RSF1: variants seen among roughly 807,000 people sequenced by gnomAD.
RSF1 encodes HBV pX-associated protein 8.
In RSF1, 13 loss-of-function variants were observed where a neutral mutation model predicts 145.2. That is an observed-to-expected ratio of 0.09 (90% confidence interval 0.06 to 0.14). The LOEUF (loss-of-function observed/expected upper bound fraction) is 0.14. Among genes scored for constraint, RSF1 ranks in the 10% least tolerant of loss-of-function variants. RSF1 has a pLI of 1.00. For synonymous variants in RSF1, 577 were observed against 592.6 expected (o/e 0.97, Z 0.38); for missense variants, 1,517 against 1,718.2 (o/e 0.88, Z 2.07).
intron 1 of RSF1, among the ~76,000 whole-genome samples, chr11:77,784,938 A>AT (rs1948439904): frequency 6.6e-6 from 1 of 152,192 alleles, no homozygotes; most frequent in South Asian, 2.1e-4. Context: ...GATTTCTGAA[A>AT]TTCTGTCTTC....
At chr11:77,863,275 G>T in the RSF1 span, among the ~76,000 whole-genome samples, 2 of 152,110 alleles carry the variant, frequency 1.3e-5, no homozygotes, top group African/African-American at 4.8e-5. Context: ...GGCAATGGGC[G>T]CTCAGGAGCA....
chr11:77,813,424 T>C, intron 1 of RSF1: 3 of 1,215,112 alleles, frequency 2.5e-6, no homozygotes, highest in South Asian at 1.2e-5. Context: ...GAGTCGCTTG[T>C]GGATTCTCAT....
intron 1 of RSF1, among the ~76,000 whole-genome samples, chr11:77,777,778 A>T (rs1441483485): frequency 6.6e-6 from 1 of 151,968 alleles, no homozygotes; most frequent in Non-Finnish European, 1.5e-5. Context: ...TCAACCCAGG[A>T]GTTCAAGACC....
At chr11:77,710,333 T>C (rs1960649497) in intron 5 of RSF1, among the ~76,000 whole-genome samples, 1 of 152,230 alleles carries the variant, frequency 6.6e-6, no homozygotes, top group Non-Finnish European at 1.5e-5. Context: ...ATTTTAGGCA[T>C]ACGGTGTTAT....
chr11:77,758,255 G>T (rs766579947), intron 2 of RSF1, among the ~76,000 whole-genome samples: 6 of 151,990 alleles, frequency 3.9e-5, no homozygotes, highest in Non-Finnish European at 5.9e-5. Context: ...CCATTTTTAA[G>T]CGGATATCCA....
intron 15 of RSF1, among the ~76,000 whole-genome samples, chr11:77,669,742 C>G (rs576288490): frequency 1.4e-4 from 21 of 152,260 alleles, no homozygotes; most frequent in Non-Finnish European, 2.6e-4. Flanking sequence ...AAGAGGCAGG[C>G]CCTATAGTCT....
chr11:77,695,159 A>G (rs191567359), intron 7 of RSF1, among the ~76,000 whole-genome samples: 23 of 152,330 alleles, frequency 1.5e-4, no homozygotes, highest in African/African-American at 4.8e-4. Flanking sequence ...TAGAAGTATG[A>G]GTATCAAATA....
intron 5 of RSF1, chr11:77,703,206 G>A (rs944409523): frequency 4.6e-5 from 7 of 152,124 alleles, no homozygotes; most frequent in Admixed American, 4.6e-4. Flanking sequence ...GAACATTTCA[G>A]AAGTTAGTAC....
At chr11:77,756,310 A>G (rs1407986817) in intron 2 of RSF1, among the ~76,000 whole-genome samples, 1 of 150,942 alleles carries the variant, frequency 6.6e-6, no homozygotes, top group Non-Finnish European at 1.5e-5. Context: ...GTGAGCTGAG[A>G]TCATGCCATT....
intron 11 of RSF1, among the ~76,000 whole-genome samples, chr11:77,679,076 T>C (rs1279386541): frequency 6.6e-6 from 1 of 152,212 alleles, no homozygotes; most frequent in Non-Finnish European, 1.5e-5. Flanking sequence ...TACTCAACTC[T>C]GCTATTGTAG....
intron 9 of RSF1, among the ~76,000 whole-genome samples, chr11:77,686,429 G>C (rs967699673): frequency 9.1e-4 from 34 of 37,386 alleles, no homozygotes; most frequent in African/African-American, 4.4e-3. Context: ...AAAAAAAAAA[G>C]CAGGTGTTTT....
Position 77,698,650 on chromosome 11 carries a change from C to T in RSF1, c.2552G>A (p.Arg851His), listed in dbSNP as rs1385418875. Residue 851 changes from arginine to histidine, a missense_variant, in exon 7 of 16, where the codon CGT becomes CAT. Arg to His is a conservative substitution (Grantham distance 29). Transcript: ENST00000308488. The stretch of plus-strand genomic sequence containing the variant: ...ATTGCTGGAATATTTCCATCTGCCA[C>T]GTGTCCGAGAACCAGTCCATCGAAC... ...GKVRWTGSRT[R>H]GRWKYSSNDE... The T allele has an allele frequency of 6.2e-6, 10 of 1,613,994 alleles. No homozygotes were observed. The East Asian group carries it at 6.7e-5, about 11-fold the overall frequency.
At position 77,701,014 on chromosome 11, in the gene RSF1, T is replaced by C. The variant is rs61743774; in HGVS notation, c.2215A>G (p.Ile739Val). ...TCGGGCTTCTTTTTCCGACTTGATA[T>C]CCTGATTGTTAATTTGATGCCCTCT... The part of the protein sequence containing the change: ...QKEGIKLTIR[I>V]SSRKKKPDSP... The change falls in exon 6 of 16, where the codon ATA (isoleucine) becomes GTA (valine). Residue 739 changes from isoleucine (I) to valine (V), a missense_variant. By Grantham distance (29) the Ile-to-Val change is conservative. Around this residue, in one of 12 missense-constraint regions of RSF1, gnomAD observed 579 missense variants for 553.5 expected, o/e 1.05. Coordinates refer to ENST00000308488, the MANE Select transcript of RSF1 (RefSeq NM_016578.4). The C allele has an allele frequency of 2.5e-5, 41 of 1,613,664 alleles. No homozygotes were observed. Among genetic ancestry groups the C allele is most frequent in the Admixed American group, 5.0e-5 (3 of 60,000 alleles).
At chr11:77,799,353 C>T (rs1384313865) in intron 1 of RSF1, among the ~76,000 whole-genome samples, 3 of 151,666 alleles carry the variant, frequency 2.0e-5, no homozygotes, top group African/African-American at 4.8e-5. Context: ...ATAAAAAATA[C>T]AAAAATTAGC....
the RSF1 span, among the ~76,000 whole-genome samples, chr11:77,871,831 G>T: frequency 6.6e-6 from 1 of 152,268 alleles, no homozygotes; most frequent in South Asian, 2.1e-4. Flanking sequence ...AGGTGTTAAT[G>T]TCCCTAATTT....
chr11:77,774,497 A>G (rs1485588390), intron 1 of RSF1, among the ~76,000 whole-genome samples: 1 of 151,848 alleles, frequency 6.6e-6, no homozygotes, highest in Non-Finnish European at 1.5e-5. Flanking sequence ...ACTTGAACCC[A>G]GGAGGTGGAG....
chr11:77,752,864 A>G (rs1228613732), intron 2 of RSF1, among the ~76,000 whole-genome samples: 4 of 152,180 alleles, frequency 2.6e-5, no homozygotes, highest in Non-Finnish European at 4.4e-5. Flanking sequence ...CTGATAAAAC[A>G]GGTTGCAGTA....
chr11:77,724,507 GTA>G (rs946818352), intron 5 of RSF1, among the ~76,000 whole-genome samples: 3 of 152,120 alleles, frequency 2.0e-5, no homozygotes, highest in African/African-American at 7.2e-5. Flanking sequence ...ACAAAATGTG[GTA>G]TATACATACA....
chr11:77,852,224 C>CAAAAAAAAAAAAAAAAAAAAAAAA, the RSF1 span, among the ~76,000 whole-genome samples: 17 of 33,486 alleles, frequency 5.1e-4, no homozygotes, highest in Admixed American at 7.9e-4. Context: ...GACACTGTCT[C>CAAAAAAAAAAAAAAAAAAAAAAAA]AAAAAAAAAA....
Sources: gnomAD v4.1 joint callset for allele counts (sites outside exome capture counted in the v4.1 genomes callset) on GRCh38, gnomAD v4.1.1 for gene constraint, gnomAD v4.1.1 regional missense constraint, MANE v1.5 for transcripts, NCBI Gene and HGNC (gene_info 2026-07-23, HGNC 2026-07-21) for gene names.